Variants in SNCAIP observed in about 807,000 individuals in gnomAD.
The protein encoded by SNCAIP is synuclein alpha interacting protein.
SNCAIP carries 43 observed loss-of-function variants against 86.7 expected under a neutral mutation model. The ratio of observed to expected loss-of-function variants is 0.50; its 90% CI spans 0.39 to 0.64. The LOEUF (loss-of-function observed/expected upper bound fraction) is 0.64. SNCAIP is among the 30% of genes least tolerant of loss of function. The pLI is 0.00. For missense variants in SNCAIP, 981 were observed against 1,103.1 expected (o/e 0.89, Z 1.57); for synonymous variants, 417 against 427.2 (o/e 0.98, Z 0.29).
intron 1 of SNCAIP, among the ~76,000 whole-genome samples, chr5:122,341,368 TA>T (rs1757544036): frequency 6.6e-6 from 1 of 152,218 alleles, no homozygotes; most frequent in East Asian, 1.9e-4. Context: ...AACAAATACA[TA>T]AAAATCGGAA....
intron 4 of SNCAIP, among the ~76,000 whole-genome samples, chr5:122,423,953 T>C (rs1776890434): frequency 6.6e-6 from 1 of 152,242 alleles, no homozygotes; most frequent in South Asian, 2.1e-4. Flanking sequence ...GGGAGTGTTA[T>C]TTCATTTTAA....
At chr5:122,413,577 A>G (rs1276936506) in intron 3 of SNCAIP, among the ~76,000 whole-genome samples, 1 of 152,016 alleles carries the variant, frequency 6.6e-6, no homozygotes, top group African/African-American at 2.4e-5. Flanking sequence ...GATTATATCT[A>G]TTTCATTCAC....
At position 122,434,649 on chromosome 5, in the gene SNCAIP, C is replaced by T. The variant is rs75873502; in HGVS notation, c.1296+2567C>T. On this transcript the variant is annotated intron_variant, in intron 6 of 10. Transcript: ENST00000261368. ...TCTGAGGGGGGCAGTCCAGCAGTGC[C>T]CTTAGGAGATCATTCTTACCCAACT... Among the ~76,000 whole-genome samples, 1,023 of 152,180 alleles carry T rather than the reference C, an allele frequency of 6.7e-3. 10 individuals are homozygous for T. Among genetic ancestry groups the T allele is most frequent in the African/African-American group, 0.023 (941 of 41,520 alleles).
chr5:122,329,149 T>C (rs979757577), intron 1 of SNCAIP, among the ~76,000 whole-genome samples: 10 of 151,774 alleles, frequency 6.6e-5, no homozygotes, highest in Non-Finnish European at 1.3e-4. Context: ...ATAGCAAAAA[T>C]AATAGTGTTT....
At chr5:122,449,657 C>A (rs1783293369) in intron 8 of SNCAIP, among the ~76,000 whole-genome samples, 188 bp from the exon 9 acceptor site, 1 of 152,114 alleles carries the variant, frequency 6.6e-6, no homozygotes, top group African/African-American at 2.4e-5. Flanking sequence ...CAATACATAT[C>A]TTTTTGGGGT....
At chr5:122,377,200 G>C (rs1408042623) in intron 1 of SNCAIP, among the ~76,000 whole-genome samples, 1 of 152,040 alleles carries the variant, frequency 6.6e-6, no homozygotes, top group Non-Finnish European at 1.5e-5. Context: ...TAGCTGTATT[G>C]CATAAGACAG....
chr5:122,402,285 A>G (rs886691117), intron 2 of SNCAIP, among the ~76,000 whole-genome samples: 2 of 152,288 alleles, frequency 1.3e-5, no homozygotes, highest in South Asian at 2.1e-4. Flanking sequence ...TAGTACCAAG[A>G]AAAATGCCTT....
At chr5:122,414,822 A>G (rs1774961378) in intron 3 of SNCAIP, among the ~76,000 whole-genome samples, 1 of 152,210 alleles carries the variant, frequency 6.6e-6, no homozygotes, top group Admixed American at 6.5e-5. Context: ...GTCATTTTCC[A>G]CATTATACTT....
At chr5:122,461,524 A>T (rs1786230687) in intron 10 of SNCAIP, among the ~76,000 whole-genome samples, 1 of 151,972 alleles carries the variant, frequency 6.6e-6, no homozygotes, top group African/African-American at 2.4e-5. Flanking sequence ...ATTTTTCCAT[A>T]CTTTGACTTT....
At chr5:122,383,073 G>T (rs1016754410) in intron 1 of SNCAIP, among the ~76,000 whole-genome samples, 1 of 152,212 alleles carries the variant, frequency 6.6e-6, no homozygotes, top group Non-Finnish European at 1.5e-5. Context: ...GCTCCACCCA[G>T]TTGGAGCTTC....
intron 1 of SNCAIP, among the ~76,000 whole-genome samples, chr5:122,381,818 T>C (rs1264817240): frequency 2.0e-5 from 3 of 152,162 alleles, no homozygotes; most frequent in Non-Finnish European, 4.4e-5. Context: ...TTTGTCTGGA[T>C]ATGAAATTCT....
intron 1 of SNCAIP, among the ~76,000 whole-genome samples, chr5:122,348,156 G>C (rs758924111): frequency 2.0e-5 from 3 of 151,800 alleles, no homozygotes; most frequent in African/African-American, 7.3e-5. Context: ...TCCAATTTTC[G>C]TAACAATTGG....
intron 3 of SNCAIP, among the ~76,000 whole-genome samples, chr5:122,412,054 C>T (rs995505730): frequency 2.6e-5 from 4 of 152,194 alleles, no homozygotes; most frequent in African/African-American, 9.6e-5. Context: ...TCGCACGCCT[C>T]CTGCCTGCCA....
At chr5:122,438,396 G>A (rs1270172488) in intron 6 of SNCAIP, among the ~76,000 whole-genome samples, 1 of 152,158 alleles carries the variant, frequency 6.6e-6, no homozygotes, top group African/African-American at 2.4e-5. Flanking sequence ...CTGTGTTAAG[G>A]TGGTGTCCTG....
intron 1 of SNCAIP, among the ~76,000 whole-genome samples, chr5:122,343,396 G>A (rs1317482224): frequency 6.7e-6 from 1 of 150,280 alleles, no homozygotes; most frequent in Admixed American, 6.6e-5. Flanking sequence ...AATTAGAACT[G>A]GAGATTGTTC....
chr5:122,346,674 C>A (rs1758676178), intron 1 of SNCAIP, among the ~76,000 whole-genome samples: 1 of 151,862 alleles, frequency 6.6e-6, no homozygotes. Flanking sequence ...AGCTAGACAG[C>A]TAAATCGGTA....
chr5:122,448,948 G>A (rs1293951882), intron 8 of SNCAIP, among the ~76,000 whole-genome samples: 7 of 150,730 alleles, frequency 4.6e-5, no homozygotes, highest in South Asian at 2.1e-4. Context: ...CCCGGGAGGC[G>A]GAGCTTCCAG....
chr5:122,364,024 T>C (rs968906810), intron 1 of SNCAIP, among the ~76,000 whole-genome samples: 8 of 152,062 alleles, frequency 5.3e-5, no homozygotes, highest in Admixed American at 2.0e-4. Context: ...GAAGATGAGG[T>C]CTTCCTATGT....
chr5:122,363,849 G>T (rs149962320), intron 1 of SNCAIP, among the ~76,000 whole-genome samples: 1 of 149,256 alleles, frequency 6.7e-6, no homozygotes, highest in African/African-American at 2.5e-5. Context: ...TAGAGACAGG[G>T]TCTTGCTTTG....
Sources: allele counts gnomAD v4.1 joint callset (sites outside exome capture counted in the v4.1 genomes callset), GRCh38; gene constraint gnomAD v4.1.1; transcripts MANE v1.5; gene names NCBI Gene and HGNC (gene_info 2026-07-23, HGNC 2026-07-21).